The following GPM6B variants were observed in gnomAD, a reference collection of about 807,000 sequenced individuals.
GPM6B encodes the protein glycoprotein M6B.
GPM6B carries 4 observed loss-of-function variants against 27.2 expected under a neutral mutation model. That is an observed-to-expected ratio of 0.15 (90% CI 0.07 to 0.34). The LOEUF is 0.34. GPM6B is among the 10% of genes least tolerant of loss of function. The pLI is 1.00. For missense variants in GPM6B, 183 were observed against 261.9 expected (o/e 0.70, Z 2.08); for synonymous variants, 124 against 103.1 (o/e 1.20, Z -1.23).
At chrX:13,806,685 C>G (rs2049027952) in intron 2 of GPM6B, among the ~76,000 whole-genome samples, 1 of 112,323 alleles carries the variant, frequency 8.9e-6, no homozygotes, top group African/African-American at 3.2e-5. Context: ...CAATGGGTAA[C>G]TTACATTGTA....
At chrX:13,845,516 T>C (rs1325125179) in intron 1 of GPM6B, among the ~76,000 whole-genome samples, 1 of 111,907 alleles carries the variant, frequency 8.9e-6, no homozygotes, top group Non-Finnish European at 1.9e-5. Flanking sequence ...GAGTTGAGAG[T>C]GAAAATTCTC....
At chrX:13,920,769 C>T (rs1842916164) in intron 1 of GPM6B, among the ~76,000 whole-genome samples, 1 of 109,282 alleles carries the variant, frequency 9.2e-6, no homozygotes, top group Non-Finnish European at 1.9e-5. Flanking sequence ...CGGGCGCCTG[C>T]AGTCCCAGCT....
intron 1 of GPM6B, among the ~76,000 whole-genome samples, chrX:13,908,310 C>A (rs1424892621): frequency 1.8e-5 from 2 of 111,943 alleles, no homozygotes; most frequent in African/African-American, 6.5e-5. Context: ...GCATCATGTG[C>A]CCCCTTATAT....
At chrX:13,846,482 TTTTTTTA>T (rs1417123043) in intron 1 of GPM6B, among the ~76,000 whole-genome samples, 1 of 111,228 alleles carries the variant, frequency 9.0e-6, no homozygotes, top group East Asian at 2.8e-4. Context: ...CGACCATCTT[TTTTTTTA>T]TTTTTTATTT....
At chrX:13,780,664 G>T (rs1220758446) in intron 4 of GPM6B, among the ~76,000 whole-genome samples, 1 of 112,125 alleles carries the variant, frequency 8.9e-6, no homozygotes, top group Non-Finnish European at 1.9e-5. Context: ...CAACGGCTTA[G>T]GGAAAAAGCT....
intron 1 of GPM6B, among the ~76,000 whole-genome samples, chrX:13,906,606 T>A (rs1053433802): frequency 2.7e-5 from 3 of 112,578 alleles, no homozygotes; most frequent in Non-Finnish European, 5.6e-5. Context: ...TTGTAACTCA[T>A]ATCTTTCAAA....
intron 1 of GPM6B, among the ~76,000 whole-genome samples, chrX:13,879,035 A>G (rs1332416060): frequency 1.8e-5 from 2 of 112,206 alleles, no homozygotes; most frequent in African/African-American, 6.5e-5. Flanking sequence ...CTCCAGGACT[A>G]TAACAAATTT....
chrX:13,835,001 T>C (rs1345737617), intron 1 of GPM6B, among the ~76,000 whole-genome samples: 1 of 112,120 alleles, frequency 8.9e-6, no homozygotes, highest in African/African-American at 3.2e-5. Flanking sequence ...AATGGGCTCA[T>C]GTGAACAGAG....
intron 6 of GPM6B, 57 bp downstream of exon 6, chrX:13,777,295 G>T: frequency 1.2e-6 from 1 of 837,218 alleles, no homozygotes; most frequent in South Asian, 2.1e-5. Flanking sequence ...ACAGCTGGGA[G>T]AACCCTTTTT....
At chrX:13,933,010 T>C (rs1477577400) in intron 1 of GPM6B, among the ~76,000 whole-genome samples, 6 of 99,146 alleles carry the variant, frequency 6.1e-5, no homozygotes, top group Non-Finnish European at 1.2e-4. Flanking sequence ...AAAAGTATTA[T>C]TATTAAAGAA....
At chrX:13,858,590 C>CA (rs1240645081) in intron 1 of GPM6B, among the ~76,000 whole-genome samples, 1 of 111,612 alleles carries the variant, frequency 9.0e-6, no homozygotes, top group African/African-American at 3.3e-5. Context: ...TGACAGACCT[C>CA]AAAGTCCTCG....
chrX:13,891,000 T>C (rs6633405), intron 1 of GPM6B, among the ~76,000 whole-genome samples: 39,540 of 110,196 alleles, frequency 0.36, 6,205 homozygotes, highest in East Asian at 0.7. Flanking sequence ...AACCAGAATC[T>C]CTGAGGGTGG....
chrX:13,860,637 ATTTTT>A (rs761354085), intron 1 of GPM6B, among the ~76,000 whole-genome samples: 4 of 110,533 alleles, frequency 3.6e-5, no homozygotes, highest in South Asian at 3.9e-4. Flanking sequence ...TTAATATTTT[ATTTTT>A]TATTTCAATA....
rs1464225068 is a variant in GPM6B, at chrX:13,785,803, A to G, written c.187T>C (p.Phe63Leu). The G allele has an allele frequency of 8.3e-7, 1 of 1,204,761 alleles. No homozygotes were observed. The highest frequency in any genetic ancestry group is 1.1e-6 in the Non-Finnish European group (1 of 891,122). ...RASPLSSPGC[F>L]ECCIKCLGGV... ...CCCAGACACTTGATGCAGCATTCAA[A>G]GCAGCCTGAACCCAAAGGAGAGAAA... Residue 63 changes from phenylalanine to leucine, a missense_variant, in exon 3 of 8, where the codon TTT (phenylalanine) becomes CTT (leucine). Coordinates refer to ENST00000316715, the MANE Select transcript of GPM6B (RefSeq NM_001001995.3).
In GPM6B at chrX:13,928,800, G is replaced by A. The variant is rs186089370; in HGVS notation, c.-198+9527C>T. Among the ~76,000 whole-genome samples, 51 of 112,036 alleles carry A rather than the reference G, an allele frequency of 4.6e-4. 1 individual carries two copies. The South Asian group carries it at 7.9e-3, about 17-fold the overall frequency. On this transcript the variant is annotated intron_variant, in intron 1 of 6. Coordinates refer to the GPM6B transcript ENST00000398361. ...GTTTTCTAGGCTCCTTCTGACCCTC[G>A]CTTCCAATGTTCTTGTTCTTTTTGC...
intron 4 of GPM6B, among the ~76,000 whole-genome samples, chrX:13,781,968 C>T (rs946695005): frequency 1.8e-5 from 2 of 111,815 alleles, no homozygotes; most frequent in African/African-American, 3.3e-5. Flanking sequence ...GCTTCCCTAG[C>T]GGGCAGATCT....
At chrX:13,907,504 T>C (rs925407632) in intron 1 of GPM6B, among the ~76,000 whole-genome samples, 1 of 111,348 alleles carries the variant, frequency 9.0e-6, no homozygotes, top group African/African-American at 3.3e-5. Context: ...ACCAACATGG[T>C]GAAACCCCGT....
intron 1 of GPM6B, among the ~76,000 whole-genome samples, chrX:13,859,619 C>T (rs1267760992): frequency 9.1e-6 from 1 of 109,795 alleles, no homozygotes; most frequent in Non-Finnish European, 1.9e-5. Flanking sequence ...ACTACCATCT[C>T]AATTAATGCT....
At chrX:13,862,023 G>A (rs2049858376) in intron 1 of GPM6B, among the ~76,000 whole-genome samples, 1 of 111,046 alleles carries the variant, frequency 9.0e-6, no homozygotes, top group South Asian at 3.8e-4. Flanking sequence ...AGGTAGAGGT[G>A]AGTGTGAATG....
Sources: gnomAD v4.1 joint callset for allele counts (sites outside exome capture counted in the v4.1 genomes callset) on GRCh38, gnomAD v4.1.1 for gene constraint, MANE v1.5 for transcripts, NCBI Gene and HGNC (gene_info 2026-07-23, HGNC 2026-07-21) for gene names.